CELSR1: variants seen among roughly 807,000 people sequenced by gnomAD.
CELSR1 encodes adhesion G protein-coupled receptor C1.
Under a neutral mutation model 249.1 loss-of-function variants are expected in CELSR1, and 110 were observed. The observed-to-expected ratio is 0.44, with a 90% CI of 0.38 to 0.52. CELSR1 has a LOEUF of 0.52. Among genes scored for constraint, CELSR1 ranks in the 20% least tolerant of loss-of-function variants. CELSR1 has a pLI of 0.00. For missense variants in CELSR1, 4,109 were observed against 4,296.4 expected (o/e 0.96, Z 1.22); for synonymous variants, 2,113 against 1,900.0 (o/e 1.11, Z -2.92).
chr22:46,453,240 G>A (rs1189845991), intron 2 of CELSR1, among the ~76,000 whole-genome samples: 1 of 152,198 alleles, frequency 6.6e-6, no homozygotes, highest in Non-Finnish European at 1.5e-5. Flanking sequence ...TTATCAGCAT[G>A]CAGGGAAACC....
In CELSR1 at chr22:46,441,873, T is replaced by C. The variant is rs550588800; in HGVS notation, c.4184-2462A>G. 2.6e-5 allele frequency among the ~76,000 whole-genome samples: 4 copies of C among 152,320 alleles called. No homozygotes were observed. In the South Asian group the frequency reaches 6.2e-4, roughly 24 times the overall value. ...TTATCCATTTTTAAAAATAAAGAGA[T>C]CACGGTGGCTCACGCCTGTAACCCC... is the stretch of plus-strand genomic sequence containing the variant. On this transcript the variant is annotated intron_variant, in intron 2 of 34. Transcript: ENST00000674500. The surrounding 1 kb of genome is among the most constrained non-coding windows in gnomAD (Gnocchi z 6.1).
At position 46,488,390 on chromosome 22, in the gene CELSR1, C is replaced by G. The variant is rs1433017165; in HGVS notation, c.3545-24045G>C. On this transcript the variant is annotated intron_variant, in intron 1 of 34. Coordinates refer to ENST00000674500, the MANE Select transcript of CELSR1 (RefSeq NM_001378328.1). The surrounding 1 kb of genome is among the most constrained non-coding windows in gnomAD (Gnocchi z 4.7). Reference sequence around the variant, plus strand: ...CTCCTAAGCCCGCAGCTTCCCTGCTCGCCTACAGCCGGCGAGTGCAGCACA... The same window carrying G: ...CTCCTAAGCCCGCAGCTTCCCTGCTGGCCTACAGCCGGCGAGTGCAGCACA... Among the ~76,000 whole-genome samples, 1 of 152,138 alleles carries G rather than the reference C, an allele frequency of 6.6e-6. No individual in the cohort carries two copies. Among genetic ancestry groups the G allele is most frequent in the Non-Finnish European group, 1.5e-5 (1 of 68,000 alleles).
intron 22 of CELSR1, among the ~76,000 whole-genome samples, chr22:46,379,197 C>A (rs767809438): frequency 4.6e-5 from 7 of 152,236 alleles, no homozygotes; most frequent in Non-Finnish European, 8.8e-5. Context: ...CTGACACTTT[C>A]ATCTTCAGAT....
chr22:46,509,501 T>A (rs2147761318), intron 1 of CELSR1, among the ~76,000 whole-genome samples: 1 of 19,718 alleles, frequency 5.1e-5, no homozygotes, highest in Admixed American at 5.9e-4. Context: ...GGCAGCCCAC[T>A]TCCATGGCAG....
In CELSR1 at chr22:46,436,191, T is replaced by C; in HGVS notation, c.4505A>G (p.Gln1502Arg). 1 of 1,609,074 alleles carries C rather than the reference T, an allele frequency of 6.2e-7. No individual in the cohort carries two copies. Among genetic ancestry groups the C allele is most frequent in the Non-Finnish European group, 8.5e-7 (1 of 1,175,600 alleles). Residue 1502 changes from glutamine to arginine, a missense_variant, in exon 4 of 35, where the codon CAG becomes CGG. Physicochemically the swap from Gln to Arg is conservative, Grantham distance 43. Transcript: ENST00000674500. The surrounding 1 kb of genome is among the most constrained non-coding windows in gnomAD (Gnocchi z 5.9). Reference protein sequence around the residue: ...IALEIVDEQVQLTFSAGETTT... With the variant: ...IALEIVDEQVRLTFSAGETTT... ...GGCCCCACCTGCAGAGAAGGTGAGC[T>C]GCACCTGCTCGTCCACGATCTCCAG...
chr22:46,452,018 G>T (rs1028250818), intron 2 of CELSR1, among the ~76,000 whole-genome samples: 3 of 152,076 alleles, frequency 2.0e-5, no homozygotes, highest in African/African-American at 7.3e-5. Context: ...CGGGGAGGCA[G>T]GGGGGCTCCT....
intron 5 of CELSR1, among the ~76,000 whole-genome samples, chr22:46,419,768 A>T (rs1329354751): frequency 6.6e-6 from 1 of 150,476 alleles, no homozygotes; most frequent in African/African-American, 2.4e-5. Flanking sequence ...ACACGTGCAC[A>T]CTCACCACTC....
intron 1 of CELSR1, among the ~76,000 whole-genome samples, chr22:46,528,331 A>G (rs1239442610): frequency 6.6e-6 from 1 of 152,200 alleles, no homozygotes; most frequent in Non-Finnish European, 1.5e-5. Context: ...GTCAACGGCG[A>G]GAAGGTTACT....
At position 46,363,100 on chromosome 22, in the gene CELSR1, CCACTT is replaced by C. The variant is rs954641823; in HGVS notation, c.*118_*122del. The C allele has an allele frequency of 1.2e-5, 20 of 1,602,530 alleles. No homozygotes were observed. The highest frequency in any genetic ancestry group is 1.2e-4 in the African/African-American group (9 of 74,690). On this transcript the variant is annotated 3_prime_UTR_variant, in exon 35 of 35. Transcript: ENST00000674500. This position sits in a 1 kb window ranked among gnomAD's most constrained non-coding sequence, Gnocchi z 4.3. ...GGGACCGCCACACTCTGGGCCCACT[CCACTT>C]CAAGGGCAGTGGCCCCTTGGGCTCC...
chr22:46,394,256 G>T lies in CELSR1; in HGVS notation c.5850C>A (p.Asp1950Glu). The change falls in exon 14 of 35, where the codon GAC becomes GAA. Residue 1950 changes from aspartate (D) to glutamate (E), a missense_variant. Asp to Glu is a conservative substitution (Grantham distance 45). Around this residue, in one of 7 missense-constraint regions of CELSR1, gnomAD observed 1,805 missense variants for 1,831.6 expected, o/e 0.99. Coordinates refer to ENST00000674500, the MANE Select transcript of CELSR1 (RefSeq NM_001378328.1). Reference protein sequence around the residue: ...HYGPYCENKLDLPCPRGWWGN... With the variant: ...HYGPYCENKLELPCPRGWWGN... Reference sequence around the variant, plus strand: ...CCCACCAGCCTCTGGGGCACGGAAGGTCGAGTCTGTGGGGAAAATAAGAGG... The same window carrying T: ...CCCACCAGCCTCTGGGGCACGGAAGTTCGAGTCTGTGGGGAAAATAAGAGG... The T allele has an allele frequency of 6.2e-7, 1 of 1,613,036 alleles. No homozygotes were observed. Among genetic ancestry groups the T allele is most frequent in the East Asian group, 2.2e-5 (1 of 44,876 alleles).
At chr22:46,463,049 C>T (rs745469803) in intron 2 of CELSR1, 7 of 334,684 alleles carry the variant, frequency 2.1e-5, no homozygotes, top group Middle Eastern at 3.9e-4. Flanking sequence ...AGTACTTTCA[C>T]CTGAGGGCCA....
chr22:46,402,188 C>T lies in CELSR1; in HGVS notation c.5227-2286G>A, dbSNP rs1193354629. On this transcript the variant is annotated intron_variant, in intron 9 of 34. Coordinates refer to ENST00000674500, the MANE Select transcript of CELSR1 (RefSeq NM_001378328.1). This position sits in a 1 kb window ranked among gnomAD's most constrained non-coding sequence, Gnocchi z 5.0. ...AAGCAAACATGGAAGATAATGACAT[C>T]CCCATCATCCCCATTCTAGTTTCTC... is the stretch of plus-strand genomic sequence containing the variant. Among the ~76,000 whole-genome samples, 2 of 152,090 alleles carry T rather than the reference C, an allele frequency of 1.3e-5. No individual in the cohort carries two copies. Among genetic ancestry groups the T allele is most frequent in the Non-Finnish European group, 2.9e-5 (2 of 67,998 alleles).
At chr22:46,453,946 G>C (rs973093924) in intron 2 of CELSR1, among the ~76,000 whole-genome samples, 3 of 152,166 alleles carry the variant, frequency 2.0e-5, no homozygotes, top group African/African-American at 7.2e-5. Flanking sequence ...ACCCCAAAAG[G>C]CGTCCACATC....
chr22:46,451,048 C>T (rs2079877892), intron 2 of CELSR1, among the ~76,000 whole-genome samples: 1 of 152,210 alleles, frequency 6.6e-6, no homozygotes, highest in African/African-American at 2.4e-5. Context: ...CCATGCCCCA[C>T]TCCCTCTCCT....
intron 25 of CELSR1, among the ~76,000 whole-genome samples, chr22:46,371,327 T>A (rs1473230146): frequency 6.6e-6 from 1 of 152,112 alleles, no homozygotes; most frequent in African/African-American, 2.4e-5. Flanking sequence ...TGCTGGGTGC[T>A]GCCCTGGGAG....
At chr22:46,470,785 A>C (rs2080147785) in intron 1 of CELSR1, among the ~76,000 whole-genome samples, 1 of 152,130 alleles carries the variant, frequency 6.6e-6, no homozygotes, top group African/African-American at 2.4e-5. Context: ...CAGTAGCACA[A>C]ACCTCCATTT....
In CELSR1 at chr22:46,364,043, G is replaced by C. The variant is rs77489567; in HGVS notation, c.8988C>G (p.Ala2996=). The change falls in exon 34 of 35, where the codon GCC becomes GCG. Residue 2996 remains alanine, a synonymous_variant. Coordinates refer to ENST00000674500, the MANE Select transcript of CELSR1 (RefSeq NM_001378328.1). ...EPGRDHLNGV[A]MNVRTGSAQA... ...GGGCGCTCCCAGTGCGCACATTCAT[G>C]GCCACCCCGTTGAGGTGGTCACGCC... The C allele has an allele frequency of 1.9e-3, 3,118 of 1,611,740 alleles. 56 individuals carry two copies. In the African/African-American group the frequency reaches 0.029, roughly 15 times the overall value.
chr22:46,456,877 TG>T (rs2079960920), intron 2 of CELSR1, among the ~76,000 whole-genome samples: 1 of 121,590 alleles, frequency 8.2e-6, no homozygotes. Context: ...CAGGGACAGT[TG>T]GGGACCATGA....
rs201306786 is a variant in CELSR1, at chr22:46,398,553, C to A, written c.5497G>T (p.Val1833Leu). 1 of 1,613,406 alleles carries A rather than the reference C, an allele frequency of 6.2e-7. No individual in the cohort carries two copies. Among genetic ancestry groups the A allele is most frequent in the East Asian group, 2.2e-5 (1 of 44,840 alleles). ...ATGCAGCCTCGGAATCCACGGCGCA[C>A]GGAGACCTTGTCTTCAGAGGCGCCT... ...VGGASEDKVSVRRGFRGCMQG... is the reference protein window; with the variant it reads ...VGGASEDKVSLRRGFRGCMQG... Residue 1833 changes from valine to leucine, a missense_variant, in exon 11 of 35, where the codon GTG (valine) becomes TTG (leucine). Val to Leu is a conservative substitution (Grantham distance 32). Coordinates refer to ENST00000674500, the MANE Select transcript of CELSR1 (RefSeq NM_001378328.1). The surrounding 1 kb of genome is among the most constrained non-coding windows in gnomAD (Gnocchi z 7.2).
Sources: gnomAD v4.1 joint callset for allele counts (sites outside exome capture counted in the v4.1 genomes callset) on GRCh38, gnomAD v4.1.1 for gene constraint, gnomAD v4.1.1 regional missense constraint, Gnocchi (gnomAD v3.1) non-coding constraint, MANE v1.5 for transcripts, NCBI Gene and HGNC (gene_info 2026-07-23, HGNC 2026-07-21) for gene names.